The following HS6ST3 variants were observed in gnomAD, a reference collection of about 807,000 sequenced individuals.
HS6ST3 encodes the protein heparan-sulfate 6-O-sulfotransferase 3.
In HS6ST3, 12 loss-of-function variants were observed where a neutral mutation model predicts 36.7. That is an observed-to-expected ratio of 0.33 (90% CI 0.21 to 0.53). The LOEUF (loss-of-function observed/expected upper bound fraction) is 0.53, where lower values mean the gene tolerates loss of function less well. Among genes scored for constraint, HS6ST3 ranks in the 20% least tolerant of loss-of-function variants. The probability of loss-of-function intolerance (pLI) is 0.95; values close to 1 mark genes in which losing one functional copy is unlikely to be tolerated. For synonymous variants in HS6ST3, 240 were observed against 257.5 expected, an observed-to-expected ratio of 0.93 and a Z score of 0.65; for missense variants, 584 against 640.9, an observed-to-expected ratio of 0.91 and a Z score of 0.96.
At position 96,820,890 on chromosome 13, in the gene HS6ST3, T is replaced by G. The variant is rs76422854; in HGVS notation, c.708-11600T>G. On this transcript the variant is annotated intron_variant, in intron 1 of 1. Coordinates refer to ENST00000376705, the MANE Select transcript of HS6ST3 (RefSeq NM_153456.4). ...ACACTTTTCTGAGTCTTCATAGCAT[T>G]GTATTCAAGATCTGTTTTAAGGCTG... 2.5e-3 allele frequency among the ~76,000 whole-genome samples: 378 copies of G among 152,356 alleles called. 2 individuals are homozygous for G. The highest frequency in any genetic ancestry group is 0.017 in the Middle Eastern group (5 of 294).
At chr13:96,810,082 A>G (rs1404911123) in intron 1 of HS6ST3, among the ~76,000 whole-genome samples, 1 of 152,178 alleles carries the variant, frequency 6.6e-6, no homozygotes, top group African/African-American at 2.4e-5. Flanking sequence ...GTACCCTCTG[A>G]TGCTGAAGCC....
intron 1 of HS6ST3, among the ~76,000 whole-genome samples, chr13:96,344,761 G>T (rs1015212612): frequency 1.3e-5 from 2 of 152,136 alleles, no homozygotes; most frequent in Non-Finnish European, 2.9e-5. Context: ...GTCATTGCTT[G>T]TGAACAATGT....
At chr13:96,366,018 A>G (rs1466505126) in intron 1 of HS6ST3, among the ~76,000 whole-genome samples, 1 of 152,174 alleles carries the variant, frequency 6.6e-6, no homozygotes, top group African/African-American at 2.4e-5. Context: ...CACTTTACAG[A>G]GGTATTTAAA....
intron 1 of HS6ST3, among the ~76,000 whole-genome samples, chr13:96,160,589 C>T (rs931637109): frequency 6.6e-6 from 1 of 152,186 alleles, no homozygotes; most frequent in Non-Finnish European, 1.5e-5. Context: ...TACCAAGTTT[C>T]TTTCTCGTGA....
At chr13:96,179,561 T>C (rs149358187) in intron 1 of HS6ST3, among the ~76,000 whole-genome samples, 69 of 152,332 alleles carry the variant, frequency 4.5e-4, no homozygotes, top group Middle Eastern at 3.4e-3. Flanking sequence ...AGTTCCTGCA[T>C]TCACAGAGTT....
In HS6ST3 at chr13:96,546,449, C is replaced by T. The variant is rs150306067; in HGVS notation, c.708-286041C>T. Among the ~76,000 whole-genome samples, 16 of 152,250 alleles carry T rather than the reference C, an allele frequency of 1.1e-4. No homozygotes were observed. In the East Asian group the frequency reaches 2.1e-3, roughly 20 times the overall value. On this transcript the variant is annotated intron_variant, in intron 1 of 1. Transcript: ENST00000376705. The stretch of plus-strand genomic sequence containing the variant: ...CTGGAGGGGAAGAACTTGCACCAGA[C>T]TATAGAAAATGCATAAATATGTATG...
chr13:96,375,715 A>G (rs1202759235), intron 1 of HS6ST3, among the ~76,000 whole-genome samples: 1 of 152,202 alleles, frequency 6.6e-6, no homozygotes, highest in Non-Finnish European at 1.5e-5. Context: ...TAATGTACTA[A>G]CTACATTTGA....
At chr13:96,412,233 G>A (rs61967668) in intron 1 of HS6ST3, among the ~76,000 whole-genome samples, 6 of 152,024 alleles carry the variant, frequency 3.9e-5, no homozygotes, top group Non-Finnish European at 7.4e-5. Context: ...TCGATCTCTC[G>A]ACCTTGTGAT....
chr13:96,272,505 C>T (rs1465935883), intron 1 of HS6ST3, among the ~76,000 whole-genome samples: 2 of 151,884 alleles, frequency 1.3e-5, no homozygotes, highest in Non-Finnish European at 2.9e-5. Flanking sequence ...GATGTATTCT[C>T]AGTTTTAGTC....
chr13:96,594,297 A>G (rs2138977728), intron 1 of HS6ST3, among the ~76,000 whole-genome samples: 4 of 151,816 alleles, frequency 2.6e-5, no homozygotes, highest in Middle Eastern at 6.8e-3. Flanking sequence ...AGAGAATATA[A>G]TATATTAACA....
chr13:96,620,270 G>A (rs2056489399), intron 1 of HS6ST3, among the ~76,000 whole-genome samples: 1 of 152,202 alleles, frequency 6.6e-6, no homozygotes, highest in African/African-American at 2.4e-5. Flanking sequence ...TATTAAGTAT[G>A]GTTTAGTCAA....
intron 1 of HS6ST3, among the ~76,000 whole-genome samples, chr13:96,357,623 T>G (rs1461589306): frequency 7.9e-5 from 12 of 152,140 alleles, no homozygotes; most frequent in Non-Finnish European, 1.5e-5. Flanking sequence ...AGTGCAGTGG[T>G]GCAATCATAG....
At chr13:96,163,243 T>G (rs2054144677) in intron 1 of HS6ST3, among the ~76,000 whole-genome samples, 1 of 146,290 alleles carries the variant, frequency 6.8e-6, no homozygotes, top group Non-Finnish European at 1.5e-5. Flanking sequence ...TTTTTTTTTT[T>G]TTTTGAGATG....
At chr13:96,303,915 G>A (rs1186197392) in intron 1 of HS6ST3, among the ~76,000 whole-genome samples, 4 of 152,118 alleles carry the variant, frequency 2.6e-5, no homozygotes, top group Admixed American at 2.6e-4. Flanking sequence ...GGCTGAGGTG[G>A]GTGTATCACC....
intron 1 of HS6ST3, among the ~76,000 whole-genome samples, chr13:96,140,644 TA>T (rs887217953): frequency 6.6e-6 from 1 of 152,204 alleles, no homozygotes; most frequent in African/African-American, 2.4e-5. Context: ...GAATTTTGCA[TA>T]AAGACCATTG....
At chr13:96,128,550 A>T (rs1020652948) in intron 1 of HS6ST3, among the ~76,000 whole-genome samples, 1 of 152,116 alleles carries the variant, frequency 6.6e-6, no homozygotes, top group Non-Finnish European at 1.5e-5. Context: ...TGCAAAGCTC[A>T]TCTCCCTTCA....
intron 1 of HS6ST3, among the ~76,000 whole-genome samples, chr13:96,297,665 C>T (rs939902155): frequency 9.2e-5 from 14 of 151,704 alleles, no homozygotes; most frequent in African/African-American, 3.4e-4. Flanking sequence ...TATAGTTCTC[C>T]TCTCCCTCAT....
chr13:96,275,064 C>T (rs1185799835), intron 1 of HS6ST3, among the ~76,000 whole-genome samples: 6 of 152,042 alleles, frequency 3.9e-5, no homozygotes, highest in Non-Finnish European at 7.4e-5. Context: ...GTAAAAAAAC[C>T]TCCTCCCAAC....
chr13:96,275,704 T>G (rs2054744826), intron 1 of HS6ST3, among the ~76,000 whole-genome samples: 1 of 152,206 alleles, frequency 6.6e-6, no homozygotes, highest in Admixed American at 6.5e-5. Context: ...AGCATTCTTC[T>G]TTGAAATCTT....
Sources: gnomAD v4.1 joint callset for allele counts (sites outside exome capture counted in the v4.1 genomes callset) on GRCh38, gnomAD v4.1.1 for gene constraint, MANE v1.5 for transcripts, NCBI Gene and HGNC (gene_info 2026-07-23, HGNC 2026-07-21) for gene names.